TMEM272: variants seen among roughly 807,000 people sequenced by gnomAD.
The protein encoded by TMEM272 is long intergenic non-protein coding RNA 282.
TMEM272 carries 8 observed loss-of-function variants against 3.7 expected under a neutral mutation model. The observed-to-expected ratio is 2.17, with a 90% CI of 1.27 to 3.91. The LOEUF is 3.91. Among genes scored for constraint, TMEM272 ranks in the 30% most tolerant of loss-of-function variants. TMEM272 has a pLI of 0.00. For missense variants in TMEM272, 166 were observed against 91.5 expected (o/e 1.81, Z -3.32); for synonymous variants, 63 against 39.8 (o/e 1.58, Z -2.20).
chr13:51,930,127 T>TC, the TMEM272 span, among the ~76,000 whole-genome samples: 8,116 of 149,688 alleles, frequency 0.054, 212 homozygotes, highest in Middle Eastern at 0.1. Flanking sequence ...GTATTTGCCT[T>TC]CCCCCCCCCC....
At chr13:51,821,991 C>T in intron 4 of TMEM272, 64 bp downstream of exon 4, 1 of 701,864 alleles carries the variant, frequency 1.4e-6, no homozygotes, top group Non-Finnish European at 2.6e-6. Context: ...ATAACAGGTG[C>T]ATTACAGGAT....
the TMEM272 span, among the ~76,000 whole-genome samples, chr13:51,881,928 G>A: frequency 6.6e-6 from 1 of 152,196 alleles, no homozygotes; most frequent in East Asian, 1.9e-4. Flanking sequence ...AGAGAAAGAG[G>A]ACATGAGGTG....
At chr13:51,853,376 C>T in the TMEM272 span, among the ~76,000 whole-genome samples, 2 of 151,780 alleles carry the variant, frequency 1.3e-5, no homozygotes, top group Non-Finnish European at 2.9e-5. Context: ...TGCCACTGCA[C>T]TCCAGCCTGG....
chr13:51,822,275 C>T, intron 3 of TMEM272, 138 bp from the exon 4 acceptor site: 2 of 585,696 alleles, frequency 3.4e-6, no homozygotes, highest in Non-Finnish European at 3.0e-6. Context: ...TGCTCAGCCT[C>T]ACCAGTCACC....
Position 51,815,758 on chromosome 13 carries a change from G to A in TMEM272, c.*993C>T, listed in dbSNP as rs9563074. 4 of 152,316 alleles carry A rather than the reference G, an allele frequency of 2.6e-5. No individual in the cohort carries two copies. In the South Asian group the frequency reaches 8.3e-4, roughly 32 times the overall value. 9.4% of individuals were successfully genotyped at this position (152,316 alleles called of 1,614,324 possible). ...GACCTGGACTTCATCTCTCAACAGCGGCAGCCAGAGGGAAGGTTAGTGGTC... is the reference window on the plus strand; with the variant it reads ...GACCTGGACTTCATCTCTCAACAGCAGCAGCCAGAGGGAAGGTTAGTGGTC... On this transcript the variant is annotated 3_prime_UTR_variant, in exon 5 of 5. Coordinates refer to ENST00000629372, the MANE Select transcript of TMEM272 (RefSeq NM_001351003.2).
the TMEM272 span, among the ~76,000 whole-genome samples, chr13:51,912,658 A>G: frequency 6.6e-6 from 1 of 152,110 alleles, no homozygotes; most frequent in Admixed American, 6.5e-5. Context: ...CCACAGCTCC[A>G]CATGCCCCAG....
chr13:51,920,665 C>T, the TMEM272 span, among the ~76,000 whole-genome samples: 1 of 152,208 alleles, frequency 6.6e-6, no homozygotes, highest in Non-Finnish European at 1.5e-5. Flanking sequence ...ATCCCCCTCC[C>T]CACCTCTCAT....
chr13:51,886,971 CCATAACTGTT>C, the TMEM272 span, among the ~76,000 whole-genome samples: 1 of 152,172 alleles, frequency 6.6e-6, no homozygotes, highest in Admixed American at 6.5e-5. Context: ...GCTCACCAGT[CCATAACTGTT>C]ATATCAGAAA....
the TMEM272 span, among the ~76,000 whole-genome samples, chr13:51,864,067 C>CTCCT: frequency 6.6e-6 from 1 of 151,580 alleles, no homozygotes; most frequent in Non-Finnish European, 1.5e-5. Context: ...GAAGATCTTT[C>CTCCT]TCCTTCCCTC....
At chr13:51,820,519 G>A (rs754986712) in intron 4 of TMEM272, among the ~76,000 whole-genome samples, 25 of 152,280 alleles carry the variant, frequency 1.6e-4, no homozygotes, top group Non-Finnish European at 2.5e-4. Flanking sequence ...GCCTTAGTTT[G>A]TTCACTAAAA....
the TMEM272 span, among the ~76,000 whole-genome samples, chr13:51,881,515 G>A: frequency 6.6e-6 from 1 of 152,178 alleles, no homozygotes; most frequent in Non-Finnish European, 1.5e-5. Context: ...GGGGAGGGGT[G>A]TTAGTGAACA....
the TMEM272 span, among the ~76,000 whole-genome samples, chr13:51,889,643 T>A: frequency 6.7e-6 from 1 of 149,576 alleles, no homozygotes; most frequent in African/African-American, 2.5e-5. Flanking sequence ...TGTGGGGGGG[T>A]TTTGTTTGTT....
chr13:51,899,818 A>T, the TMEM272 span, among the ~76,000 whole-genome samples: 1 of 152,232 alleles, frequency 6.6e-6, no homozygotes, highest in East Asian at 1.9e-4. Context: ...ATAGAACTAC[A>T]TTTTTATTAA....
At chr13:51,892,508 C>T in the TMEM272 span, among the ~76,000 whole-genome samples, 1 of 152,128 alleles carries the variant, frequency 6.6e-6, no homozygotes, top group African/African-American at 2.4e-5. Flanking sequence ...CACTTGCTTC[C>T]TGTTAGATTG....
At chr13:51,926,138 C>T in the TMEM272 span, among the ~76,000 whole-genome samples, 6 of 150,594 alleles carry the variant, frequency 4.0e-5, no homozygotes, top group South Asian at 2.1e-4. Context: ...TCTATGTGTG[C>T]GTGGTATGTG....
chr13:51,899,810 A>C, the TMEM272 span, among the ~76,000 whole-genome samples: 1 of 152,248 alleles, frequency 6.6e-6, no homozygotes, highest in African/African-American at 2.4e-5. Context: ...TTAATGGAAT[A>C]GAACTACATT....
chr13:51,855,647 G>A, the TMEM272 span, among the ~76,000 whole-genome samples: 1 of 152,082 alleles, frequency 6.6e-6, no homozygotes, highest in Admixed American at 6.6e-5. Context: ...ATTAAAGACT[G>A]AATAGAAACA....
At chr13:51,903,165 T>C in the TMEM272 span, among the ~76,000 whole-genome samples, 7 of 152,242 alleles carry the variant, frequency 4.6e-5, no homozygotes, top group Admixed American at 3.3e-4. Context: ...CCTTAGTGTG[T>C]GTATCCAGGA....
intron 1 of TMEM272, among the ~76,000 whole-genome samples, chr13:51,844,245 C>CACATACATATAT (rs1956286087): frequency 6.6e-6 from 1 of 150,976 alleles, no homozygotes; most frequent in Admixed American, 6.6e-5. Context: ...GACACACACA[C>CACATACATATAT]ATATATATAT....
Sources: allele counts gnomAD v4.1 joint callset (sites outside exome capture counted in the v4.1 genomes callset), GRCh38; gene constraint gnomAD v4.1.1; transcripts MANE v1.5; gene names NCBI Gene and HGNC (gene_info 2026-07-23, HGNC 2026-07-21).